The following PAXIP1 variants were observed in gnomAD, a reference collection of about 807,000 sequenced individuals.
PAXIP1 encodes PAX interacting protein 1.
Under a neutral mutation model 140.6 loss-of-function variants are expected in PAXIP1, and 19 were observed. The ratio of observed to expected loss-of-function variants is 0.14; its 90% CI spans 0.09 to 0.20. The LOEUF (loss-of-function observed/expected upper bound fraction) is 0.20. Ranked by LOEUF, PAXIP1 falls within the 10% of genes least tolerant of loss-of-function variation. The pLI is 1.00. For missense variants in PAXIP1, 920 were observed against 1,208.6 expected (o/e 0.76, Z 3.54); for synonymous variants, 442 against 444.6 (o/e 0.99, Z 0.07).
intron 10 of PAXIP1, 64 bp downstream of exon 10, chr7:154,962,257 C>T (rs1374382599): frequency 1.3e-6 from 2 of 1,584,900 alleles, no homozygotes; most frequent in East Asian, 4.5e-5. Flanking sequence ...TAAGCACTAG[C>T]AAGTGATTAT....
intron 4 of PAXIP1, among the ~76,000 whole-genome samples, chr7:154,987,330 A>C (rs562256867): frequency 1.3e-5 from 2 of 152,282 alleles, no homozygotes; most frequent in South Asian, 4.1e-4. Flanking sequence ...TTATGCTCTA[A>C]ATCTTTACCT....
chr7:154,955,627 C>G lies in PAXIP1; in HGVS notation c.2554G>C (p.Glu852Gln). ...VQPSSKRARIEDVPPPTKKLT... is the reference protein window; with the variant it reads ...VQPSSKRARIQDVPPPTKKLT... Reference sequence around the variant, plus strand: ...TTTTTAGTGGGAGGTGGTACGTCTTCAATTCTGTGGAAGAAATACACATAA... The same window carrying G: ...TTTTTAGTGGGAGGTGGTACGTCTTGAATTCTGTGGAAGAAATACACATAA... Residue 852 changes from glutamate to glutamine, a missense_variant, in exon 15 of 21, where the codon GAA becomes CAA. By Grantham distance (29) the Glu-to-Gln change is conservative. This residue lies in a region of PAXIP1 where 303 missense variants were observed against 517.9 expected (regional missense o/e 0.59). Coordinates refer to ENST00000404141, the MANE Select transcript of PAXIP1 (RefSeq NM_007349.4). 6.5e-7 allele frequency: 1 copy of G among 1,549,568 alleles called. No homozygotes were observed. The highest frequency in any genetic ancestry group is 8.7e-7 in the Non-Finnish European group (1 of 1,145,008).
chr7:154,982,598 A>C (rs1422511517), intron 5 of PAXIP1, among the ~76,000 whole-genome samples: 2 of 152,168 alleles, frequency 1.3e-5, no homozygotes, highest in Admixed American at 1.3e-4. Flanking sequence ...TGATCCACCC[A>C]CATCGGCCTC....
chr7:154,944,883 G>A (rs1563356488), intron 20 of PAXIP1: 2 of 152,078 alleles, frequency 1.3e-5, no homozygotes, highest in Non-Finnish European at 2.9e-5. Flanking sequence ...GGTATGAATG[G>A]TAAGAGCGTT....
Position 154,944,110 on chromosome 7 carries a change from G to A in PAXIP1, c.*39C>T, listed in dbSNP as rs373026734. On this transcript the variant is annotated 3_prime_UTR_variant, in exon 21 of 21. Coordinates refer to ENST00000404141, the MANE Select transcript of PAXIP1 (RefSeq NM_007349.4). ...CCTCGCCAGCCAGACAGCCAGCCCC[G>A]CACCGCAGGAGTCGACATGCACGGC... 4.4e-5 allele frequency: 71 copies of A among 1,609,124 alleles called. No homozygotes were observed. The highest frequency in any genetic ancestry group is 1.7e-4 in the Admixed American group (10 of 59,796).
chr7:154,955,503 C>T, intron 15 of PAXIP1, 26 bp downstream of exon 15: 1 of 1,403,618 alleles, frequency 7.1e-7, no homozygotes, highest in African/African-American at 1.4e-5. Flanking sequence ...GCTAAAAATC[C>T]TTGTACGAAG....
At chr7:154,962,182 A>G (rs1808783387) in intron 10 of PAXIP1, 139 bp downstream of exon 10, 1 of 765,644 alleles carries the variant, frequency 1.3e-6, no homozygotes, top group Admixed American at 2.6e-5. Context: ...ATGAGCAGGC[A>G]CTTATGAACT....
chr7:154,967,977 A>C, intron 7 of PAXIP1, 67 bp from the exon 8 acceptor site: 1 of 1,008,934 alleles, frequency 9.9e-7, no homozygotes, highest in Non-Finnish European at 1.5e-6. Flanking sequence ...AAAAGTTAAA[A>C]AGTGGCGCCT....
intron 4 of PAXIP1, among the ~76,000 whole-genome samples, chr7:154,987,159 C>A (rs1163252039): frequency 2.0e-5 from 3 of 152,192 alleles, no homozygotes; most frequent in African/African-American, 7.2e-5. Flanking sequence ...GACTTCTCAG[C>A]TGAGAATCCA....
chr7:154,945,646 G>A, intron 20 of PAXIP1: 1 of 985,324 alleles, frequency 1.0e-6, no homozygotes, highest in Non-Finnish European at 1.2e-6. Context: ...ATTGCAGGAG[G>A]CCCAGGGAGA....
chr7:154,989,914 C>G (rs949473580), intron 4 of PAXIP1, among the ~76,000 whole-genome samples: 5 of 152,116 alleles, frequency 3.3e-5, no homozygotes, highest in Non-Finnish European at 7.4e-5. Context: ...GTTTCTTAAA[C>G]ATTCCCAAAT....
Position 154,954,222 on chromosome 7 carries a change from A to G in PAXIP1, c.2821+33T>C. ...CAAGAAAAAAAAAAGTTTATTTGGC[A>G]TTAAAAGCAAAGTTACTGGCGCTGC... On this transcript the variant is annotated intron_variant, in intron 16 of 20. Transcript: ENST00000404141. The surrounding 1 kb of genome is among the most constrained non-coding windows in gnomAD (Gnocchi z 5.1). The G allele has an allele frequency of 2.9e-6, 4 of 1,365,102 alleles. No homozygotes were observed. The highest frequency in any genetic ancestry group is 3.8e-6 in the Non-Finnish European group (4 of 1,043,108). The allele number at this position is 1,365,102 out of a possible 1,614,324, so 84.6% of individuals were successfully genotyped here.
intron 9 of PAXIP1, among the ~76,000 whole-genome samples, chr7:154,962,849 C>T (rs1808818017): frequency 6.6e-6 from 1 of 152,172 alleles, no homozygotes; most frequent in South Asian, 2.1e-4. Flanking sequence ...AAAAAAGTCT[C>T]AGAAGTATTT....
chr7:154,995,646 T>C (rs1421342957), intron 2 of PAXIP1, among the ~76,000 whole-genome samples: 2 of 152,286 alleles, frequency 1.3e-5, no homozygotes, highest in East Asian at 1.9e-4. Context: ...GGTGACAGGT[T>C]CGAGACCAGC....
chr7:154,946,582 C>T lies in PAXIP1; in HGVS notation c.3063G>A (p.Leu1021=). 1 of 1,613,702 alleles carries T rather than the reference C, an allele frequency of 6.2e-7. No individual in the cohort carries two copies. Among genetic ancestry groups the T allele is most frequent in the East Asian group, 2.2e-5 (1 of 44,882 alleles). Residue 1021 remains leucine, a synonymous_variant, in exon 19 of 21, where the codon TTG becomes TTA. Transcript: ENST00000404141. The surrounding 1 kb of genome is among the most constrained non-coding windows in gnomAD (Gnocchi z 4.9). ...CACAGGATATTAAAATTATTTCCGA[C>T]AAACTCTAAGGAAAAGAAAATGAGT... ...KLMEHKQNSS[L]SEIILISCEN...
Position 154,968,635 on chromosome 7 carries a change from G to A in PAXIP1, c.1566C>T (p.Ser522=), listed in dbSNP as rs561221104. The A allele has an allele frequency of 2.8e-6, 2 of 713,140 alleles. No individual in the cohort carries two copies. The highest frequency in any genetic ancestry group is 2.6e-6 in the Non-Finnish European group (1 of 383,862). 44.2% of individuals were successfully genotyped at this position (713,140 alleles called of 1,614,324 possible). A position where few individuals can be genotyped will look rare whatever the true frequency, so the allele number is the denominator to read the frequency against. ...QQLAQLQQQH[S]LLQQQQQQQI... ...GCTGTTGCTGCTGCTGCTGGAGCAG[G>A]CTGTGCTGCTGCTGGAGCTGGGCAA... Residue 522 remains serine (S), a synonymous_variant, in exon 7 of 21, where the codon AGC becomes AGT. Transcript: ENST00000404141.
intron 6 of PAXIP1, among the ~76,000 whole-genome samples, chr7:154,969,382 G>T (rs754610280): frequency 7.9e-5 from 12 of 152,186 alleles, no homozygotes; most frequent in Non-Finnish European, 1.8e-4. Flanking sequence ...GTAAACTAAC[G>T]AATTAAAGTG....
At chr7:154,985,129 A>C (rs1810013559) in intron 4 of PAXIP1, among the ~76,000 whole-genome samples, 2 of 152,246 alleles carry the variant, frequency 1.3e-5, no homozygotes, top group Admixed American at 6.5e-5. Context: ...AGCGTAATTA[A>C]GAATGCTCTT....
chr7:154,969,611 C>T (rs1448069692), intron 6 of PAXIP1, among the ~76,000 whole-genome samples: 1 of 152,206 alleles, frequency 6.6e-6, no homozygotes, highest in Non-Finnish European at 1.5e-5. Context: ...CACCTCAAAC[C>T]TTCTCGCCAC....
Sources: allele counts gnomAD v4.1 joint callset (sites outside exome capture counted in the v4.1 genomes callset), GRCh38; gene constraint gnomAD v4.1.1; regional missense constraint gnomAD v4.1.1; non-coding constraint Gnocchi (gnomAD v3.1); transcripts MANE v1.5; gene names NCBI Gene and HGNC (gene_info 2026-07-23, HGNC 2026-07-21).